The following ADARB2 variants were observed in gnomAD, a reference collection of about 807,000 sequenced individuals.
ADARB2 encodes the protein adenosine deaminase RNA specific B2 (inactive).
ADARB2 carries 25 observed loss-of-function variants against 62.2 expected under a neutral mutation model. The ratio of observed to expected loss-of-function variants is 0.40; its 90% CI spans 0.29 to 0.56. ADARB2 has a LOEUF of 0.56. Ranked by LOEUF, ADARB2 falls within the 20% of genes least tolerant of loss-of-function variation. The pLI, the probability that ADARB2 is intolerant of heterozygous loss-of-function variation, is 0.43. For synonymous variants in ADARB2, 572 were observed against 500.8 expected, an observed-to-expected ratio of 1.14 and a Z score of -1.90; for missense variants, 1,071 against 1,077.4, an observed-to-expected ratio of 0.99 and a Z score of 0.08.
At chr10:1,461,525 T>A (rs541965950) in intron 1 of ADARB2, among the ~76,000 whole-genome samples, 4 of 152,244 alleles carry the variant, frequency 2.6e-5, no homozygotes, top group East Asian at 1.9e-4. Flanking sequence ...TTTTTTTTTT[T>A]AAAGAAATTT....
Position 1,635,598 on chromosome 10 carries a change from G to T in ADARB2, c.100+101453C>A, listed in dbSNP as rs138011123. 4.6e-5 allele frequency among the ~76,000 whole-genome samples: 7 copies of T among 152,254 alleles called. No homozygotes were observed. In the East Asian group the frequency reaches 1.2e-3, roughly 25 times the overall value. ...CCCCGCCCACTCTGAGCTTCCCTCCGTCGGGACAGCCTCACGTTGGATTAG... is the reference window on the plus strand; with the variant it reads ...CCCCGCCCACTCTGAGCTTCCCTCCTTCGGGACAGCCTCACGTTGGATTAG... On this transcript the variant is annotated intron_variant, in intron 1 of 9. Coordinates refer to ENST00000381312, the MANE Select transcript of ADARB2 (RefSeq NM_018702.4).
At position 1,259,656 on chromosome 10, in the gene ADARB2, T is replaced by C. The variant is rs539620651; in HGVS notation, c.1192+11299A>G. On this transcript the variant is annotated intron_variant, in intron 4 of 9. Coordinates refer to ENST00000381312, the MANE Select transcript of ADARB2 (RefSeq NM_018702.4). Reference sequence around the variant, plus strand: ...CAGGCTGTGAAATTGAGGCAATAATTAATAGCTTACCAACCAAAAAAAGTC... The same window carrying C: ...CAGGCTGTGAAATTGAGGCAATAATCAATAGCTTACCAACCAAAAAAAGTC... Among the ~76,000 whole-genome samples, 148 of 152,254 alleles carry C rather than the reference T, an allele frequency of 9.7e-4. 1 individual carries two copies. In the Middle Eastern group the frequency reaches 0.01, roughly 10 times the overall value.
At chr10:1,405,995 C>T (rs1832705243) in intron 1 of ADARB2, among the ~76,000 whole-genome samples, 1 of 151,952 alleles carries the variant, frequency 6.6e-6, no homozygotes, top group South Asian at 2.1e-4. Flanking sequence ...TTCTTAAATC[C>T]TTCCCCTGGA....
At chr10:1,386,605 T>C (rs1288852438) in intron 1 of ADARB2, among the ~76,000 whole-genome samples, 2 of 152,010 alleles carry the variant, frequency 1.3e-5, no homozygotes, top group East Asian at 1.9e-4. Flanking sequence ...GTCATCAAGA[T>C]AATATAATAC....
chr10:1,368,018 G>T (rs1419326655), intron 2 of ADARB2, among the ~76,000 whole-genome samples: 1 of 152,182 alleles, frequency 6.6e-6, no homozygotes, highest in African/African-American at 2.4e-5. Flanking sequence ...CCTCTGGGGG[G>T]TGATATCACC....
At chr10:1,435,528 G>A (rs1176675060) in intron 1 of ADARB2, among the ~76,000 whole-genome samples, 8 of 152,146 alleles carry the variant, frequency 5.3e-5, no homozygotes, top group Non-Finnish European at 1.2e-4. Context: ...GTCTGAGGGC[G>A]GAGCCTTCAC....
At chr10:1,459,937 CCTGCGTTACGAACCTGCCTGTGACCTG>C (rs1831147545) in intron 1 of ADARB2, among the ~76,000 whole-genome samples, 1 of 144,054 alleles carries the variant, frequency 6.9e-6, no homozygotes, top group African/African-American at 2.7e-5. Flanking sequence ...CCTGAGTTTA[CCTGCGTTACGAACCTGCCTGTGACCTG>C]AGTTTACCTG....
chr10:1,451,036 G>A (rs1487063631), intron 1 of ADARB2, among the ~76,000 whole-genome samples: 2 of 152,258 alleles, frequency 1.3e-5, no homozygotes, highest in African/African-American at 2.4e-5. Flanking sequence ...CAGAAACACA[G>A]AGAGATGTGT....
intron 8 of ADARB2, among the ~76,000 whole-genome samples, chr10:1,193,144 C>G (rs1256270462): frequency 6.6e-6 from 1 of 152,228 alleles, no homozygotes; most frequent in East Asian, 1.9e-4. Flanking sequence ...GGTGCAAGTT[C>G]TGCTGGGACA....
At chr10:1,587,132 G>T (rs1276391065) in intron 1 of ADARB2, among the ~76,000 whole-genome samples, 6 of 152,084 alleles carry the variant, frequency 3.9e-5, no homozygotes, top group Admixed American at 2.6e-4. Flanking sequence ...CTTTACCAAA[G>T]GTGCTTATCT....
intron 1 of ADARB2, among the ~76,000 whole-genome samples, chr10:1,670,512 A>G (rs976421643): frequency 6.6e-6 from 1 of 152,174 alleles, no homozygotes; most frequent in African/African-American, 2.4e-5. Flanking sequence ...AAACTGAGTT[A>G]CCACTGGGAG....
At chr10:1,397,533 G>C (rs374662420) in intron 1 of ADARB2, among the ~76,000 whole-genome samples, 36 of 22,786 alleles carry the variant, frequency 1.6e-3, no homozygotes, top group South Asian at 3.4e-3. Flanking sequence ...CTCCCGAGTG[G>C]AGGCTTCCTG....
Position 1,179,481 on chromosome 10 carries a change from C to G in ADARB2, c.*3712G>C, listed in dbSNP as rs76851642. The G allele has an allele frequency of 3.9e-5, 6 of 152,250 alleles. No individual in the cohort carries two copies. The highest frequency in any genetic ancestry group is 1.4e-4 in the African/African-American group (6 of 41,466). 9.4% of individuals were successfully genotyped at this position (152,250 alleles called of 1,614,324 possible). ...AAACCCTAACTCTATCCCTTGATAT[C>G]ACACACGGCTGCAAAACCGGGGCTG... On this transcript the variant is annotated 3_prime_UTR_variant, in exon 10 of 10. Transcript: ENST00000381312.
chr10:1,467,609 G>A (rs1328103979), intron 1 of ADARB2, among the ~76,000 whole-genome samples: 4 of 152,184 alleles, frequency 2.6e-5, no homozygotes, highest in Non-Finnish European at 4.4e-5. Context: ...CTGACACTGT[G>A]CCCAGCAAAA....
chr10:1,733,485 A>G (rs1299824947), intron 1 of ADARB2, among the ~76,000 whole-genome samples: 1 of 152,252 alleles, frequency 6.6e-6, no homozygotes, highest in Admixed American at 6.5e-5. Flanking sequence ...TTTAATAACT[A>G]AAAACATTTA....
At chr10:1,510,299 G>T (rs1166283308) in intron 1 of ADARB2, among the ~76,000 whole-genome samples, 1 of 151,914 alleles carries the variant, frequency 6.6e-6, no homozygotes, top group Non-Finnish European at 1.5e-5. Flanking sequence ...TCCTGTCTCA[G>T]CTTCATGAGT....
At chr10:1,354,078 T>C (rs149498594) in intron 3 of ADARB2, among the ~76,000 whole-genome samples, 10,466 of 152,134 alleles carry the variant, frequency 0.069, 410 homozygotes, top group African/African-American at 0.11. Context: ...ACTCTAGGTT[T>C]CCACGCCACC....
intron 3 of ADARB2, among the ~76,000 whole-genome samples, chr10:1,354,791 C>T (rs955549867): frequency 2.6e-5 from 4 of 152,208 alleles, no homozygotes; most frequent in Non-Finnish European, 4.4e-5. Flanking sequence ...CTGACCCTGT[C>T]CTTTTTGGTG....
rs371760485 is a variant in ADARB2 at position 1,568,729 on chromosome 10, A to T, written c.100+168322T>A. ...AGGTAAGCAGATCTGATTTACTGAC[A>T]CTGGGCCCAACTCCTGAAATGCTGA... On this transcript the variant is annotated intron_variant, in intron 1 of 9. Transcript: ENST00000381312. Among the ~76,000 whole-genome samples, 9 of 152,268 alleles carry T rather than the reference A, an allele frequency of 5.9e-5. No homozygotes were observed. The South Asian group carries it at 1.9e-3, about 32-fold the overall frequency.
Sources: allele counts gnomAD v4.1 joint callset (sites outside exome capture counted in the v4.1 genomes callset), GRCh38; gene constraint gnomAD v4.1.1; transcripts MANE v1.5; gene names NCBI Gene and HGNC (gene_info 2026-07-23, HGNC 2026-07-21).